Variants in VWA3B observed in about 807,000 individuals in gnomAD.
VWA3B encodes von Willebrand factor A domain containing 3B, also known as von Willebrand factor A domain-containing protein 3B.
VWA3B carries 138 observed loss-of-function variants against 158.3 expected under a neutral mutation model. The ratio of observed to expected loss-of-function variants is 0.87; its 90% CI spans 0.76 to 1.00. The LOEUF is 1.00. VWA3B is among the 50% of genes least tolerant of loss of function. The pLI, the probability that VWA3B is intolerant of heterozygous loss-of-function variation, is 0.00. For missense variants in VWA3B, 1,555 were observed against 1,565.1 expected, an observed-to-expected ratio of 0.99 and a Z score of 0.11; for synonymous variants, 596 against 587.3, an observed-to-expected ratio of 1.01 and a Z score of -0.21.
chr2:98,229,866 C>G (rs550713985), intron 15 of VWA3B, among the ~76,000 whole-genome samples, 184 bp from the exon 16 acceptor site: 2 of 152,178 alleles, frequency 1.3e-5, no homozygotes, highest in African/African-American at 4.8e-5. Context: ...GGCTGGGCCC[C>G]TCTCCACTCT....
chr2:98,098,469 T>C (rs1300147602), intron 2 of VWA3B, among the ~76,000 whole-genome samples: 1 of 152,140 alleles, frequency 6.6e-6, no homozygotes, highest in Non-Finnish European at 1.5e-5. Context: ...ATAATAACCT[T>C]CTTTGTCTCT....
chr2:98,184,247 G>A (rs558091887), intron 9 of VWA3B, among the ~76,000 whole-genome samples: 1 of 152,240 alleles, frequency 6.6e-6, no homozygotes, highest in Non-Finnish European at 1.5e-5. Context: ...GCCCTTTGAT[G>A]GGGATGTGGT....
At chr2:98,329,514 T>A in the VWA3B span, among the ~76,000 whole-genome samples, 1 of 152,166 alleles carries the variant, frequency 6.6e-6, no homozygotes, top group South Asian at 2.1e-4. Flanking sequence ...CCCTTTTTTT[T>A]TAATGGGCAA....
rs1254209743 is a variant in VWA3B at position 98,228,291 on chromosome 2, C to A, written c.2109C>A (p.Ile703=). 1 of 1,614,016 alleles carries A rather than the reference C, an allele frequency of 6.2e-7. No individual in the cohort carries two copies. The highest frequency in any genetic ancestry group is 2.2e-5 in the East Asian group (1 of 44,862). ...KMQDLYSESL[I]MDWWYNAEKD... is the part of the protein sequence containing the mutation. ...AAGACCTTTATTCTGAGTCCTTGATCATGGACTGGTGGTACAATGCAGAAA... is the reference window on the plus strand; with the variant it reads ...AAGACCTTTATTCTGAGTCCTTGATAATGGACTGGTGGTACAATGCAGAAA... Residue 703 remains isoleucine, a synonymous_variant, in exon 15 of 28, where the codon ATC becomes ATA. Coordinates refer to ENST00000477737, the MANE Select transcript of VWA3B (RefSeq NM_144992.5).
chr2:98,097,303 C>T (rs1227213866), intron 2 of VWA3B, among the ~76,000 whole-genome samples: 1 of 152,112 alleles, frequency 6.6e-6, no homozygotes, highest in Non-Finnish European at 1.5e-5. Context: ...TCTTTGTATA[C>T]CTTTGTATAC....
Position 98,236,443 on chromosome 2 carries a change from G to A in VWA3B, c.2482G>A (p.Val828Met). The change falls in exon 18 of 28, where the codon GTG becomes ATG. Residue 828 changes from valine to methionine, a missense_variant. Physicochemically the swap from Val to Met is conservative, Grantham distance 21. Transcript: ENST00000477737. Reference sequence around the variant, plus strand: ...GCTGGATGACAAATCGTCAGAAAAGGTGACGCGAGAAGGAAGCCAGGTTTA... The same window carrying A: ...GCTGGATGACAAATCGTCAGAAAAGATGACGCGAGAAGGAAGCCAGGTTTA... ...EWLDDKSSEK[V>M]TREGSQVYDH... 1.2e-6 allele frequency: 2 copies of A among 1,614,234 alleles called. No homozygotes were observed. Among genetic ancestry groups the A allele is most frequent in the Non-Finnish European group, 1.7e-6 (2 of 1,180,050 alleles).
In VWA3B at chr2:98,258,929, G is replaced by T. The variant is rs1687318446; in HGVS notation, c.2843+2755G>T. Among the ~76,000 whole-genome samples the T allele has an allele frequency of 4.0e-5, 6 of 151,684 alleles. No homozygotes were observed. In the South Asian group the frequency reaches 1.2e-3, roughly 31 times the overall value. ...GTTCCTGATCCCAGTGAGAAAGAAA[G>T]GAAGTTCCCTATATTCCTAGTTTCC... On this transcript the variant is annotated intron_variant, in intron 21 of 27. Transcript: ENST00000477737.
chr2:98,323,493 G>T, the VWA3B span, among the ~76,000 whole-genome samples: 1 of 151,012 alleles, frequency 6.6e-6, no homozygotes, highest in African/African-American at 2.4e-5. Context: ...AAGAGGAGGA[G>T]ATAGAAAAAG....
chr2:98,089,459 A>G (rs966294021), intron 1 of VWA3B, among the ~76,000 whole-genome samples: 2 of 149,864 alleles, frequency 1.3e-5, no homozygotes, highest in Admixed American at 1.3e-4. Context: ...AAGAGTCTGC[A>G]TAGGAGAGCC....
chr2:98,139,381 A>G (rs1321802945), intron 7 of VWA3B, among the ~76,000 whole-genome samples: 1 of 152,230 alleles, frequency 6.6e-6, no homozygotes, highest in Non-Finnish European at 1.5e-5. Context: ...AGCGCTGAGG[A>G]GTGCGGGCGC....
At chr2:98,183,189 C>CTTTTTTT (rs1244544813) in intron 9 of VWA3B, among the ~76,000 whole-genome samples, 14 of 124,600 alleles carry the variant, frequency 1.1e-4, no homozygotes, top group African/African-American at 4.1e-4. Flanking sequence ...GTACAGCTCC[C>CTTTTTTT]TTTTTTTTTT....
chr2:98,246,727 G>A (rs111519743), intron 19 of VWA3B, among the ~76,000 whole-genome samples: 1 of 151,868 alleles, frequency 6.6e-6, no homozygotes, highest in African/African-American at 2.4e-5. Context: ...TCGTCCTACA[G>A]GTTTAAAACT....
chr2:98,181,816 G>T (rs1438372632), intron 9 of VWA3B, among the ~76,000 whole-genome samples: 1 of 152,186 alleles, frequency 6.6e-6, no homozygotes, highest in East Asian at 1.9e-4. Context: ...CCAGCATCAT[G>T]CATATGAGTC....
chr2:98,098,742 C>A (rs1682881082), intron 2 of VWA3B, among the ~76,000 whole-genome samples: 1 of 151,966 alleles, frequency 6.6e-6, no homozygotes, highest in Non-Finnish European at 1.5e-5. Context: ...CTTACTGCTG[C>A]CATTTTGTTA....
chr2:98,193,658 C>A (rs554906851), intron 11 of VWA3B, among the ~76,000 whole-genome samples: 1 of 150,368 alleles, frequency 6.7e-6, no homozygotes, highest in East Asian at 2.0e-4. Context: ...TGCAGTGGTG[C>A]CAACCCGGCT....
intron 1 of VWA3B, among the ~76,000 whole-genome samples, chr2:98,090,444 A>T (rs970513252): frequency 6.6e-6 from 1 of 152,206 alleles, no homozygotes; most frequent in East Asian, 1.9e-4. Flanking sequence ...TCCACGCATA[A>T]CTTATACATC....
At chr2:98,118,570 A>C (rs910837282) in intron 3 of VWA3B, among the ~76,000 whole-genome samples, 4 of 152,180 alleles carry the variant, frequency 2.6e-5, no homozygotes, top group Non-Finnish European at 5.9e-5. Context: ...TAAAAAGCTA[A>C]TTAGGCAAAA....
intron 7 of VWA3B, among the ~76,000 whole-genome samples, chr2:98,134,512 G>A (rs780980242): frequency 6.6e-6 from 1 of 152,144 alleles, no homozygotes; most frequent in Non-Finnish European, 1.5e-5. Context: ...GAAAAACAGT[G>A]GAAGGTTACT....
At chr2:98,285,878 T>C (rs1689137716) in intron 22 of VWA3B, among the ~76,000 whole-genome samples, 1 of 152,134 alleles carries the variant, frequency 6.6e-6, no homozygotes, top group Non-Finnish European at 1.5e-5. Context: ...AACAAATGAC[T>C]ATCTTAATAA....
Sources: allele counts gnomAD v4.1 joint callset (sites outside exome capture counted in the v4.1 genomes callset), GRCh38; gene constraint gnomAD v4.1.1; transcripts MANE v1.5; gene names NCBI Gene and HGNC (gene_info 2026-07-23, HGNC 2026-07-21).